The following CDH18 variants were observed in gnomAD, a reference collection of about 807,000 sequenced individuals.
CDH18 encodes cadherin 18.
CDH18 carries 31 observed loss-of-function variants against 67.9 expected under a neutral mutation model. The ratio of observed to expected loss-of-function variants is 0.46; its 90% CI spans 0.34 to 0.62. The LOEUF is 0.62. Ranked by LOEUF, CDH18 falls within the 20% of genes least tolerant of loss-of-function variation. The pLI is 0.01. For synonymous variants in CDH18, 362 were observed against 347.2 expected (o/e 1.04, Z -0.48); for missense variants, 890 against 975.5 (o/e 0.91, Z 1.17).
At chr5:20,461,846 C>A (rs1751285836) in intron 1 of CDH18, among the ~76,000 whole-genome samples, 2 of 152,218 alleles carry the variant, frequency 1.3e-5, no homozygotes, top group South Asian at 4.1e-4. Flanking sequence ...TCAATTAACA[C>A]TAGCTTTTAG....
chr5:19,882,665 T>C (rs191503330), intron 2 of CDH18, among the ~76,000 whole-genome samples: 12 of 152,232 alleles, frequency 7.9e-5, no homozygotes, highest in Admixed American at 6.5e-4. Context: ...ATGGCATCAA[T>C]ATGTGCTAAT....
At position 19,936,059 on chromosome 5, in the gene CDH18, C is replaced by T. The variant is rs367553274; in HGVS notation, c.-257+45001G>A. On this transcript the variant is annotated intron_variant, in intron 2 of 12. Transcript: ENST00000382275. ...GTTTAAAAAATCCATATATAATTAG[C>T]GTGATACAACACAGCATCTTAACAC... is the stretch of plus-strand genomic sequence containing the variant. Among the ~76,000 whole-genome samples, 97 of 151,214 alleles carry T rather than the reference C, an allele frequency of 6.4e-4. No homozygotes were observed. In the South Asian group the frequency reaches 0.017, roughly 27 times the overall value.
chr5:19,757,979 C>T lies in CDH18; in HGVS notation c.229-10743G>A, dbSNP rs1232914055. Among the ~76,000 whole-genome samples the T allele has an allele frequency of 7.2e-5, 11 of 152,256 alleles. No individual in the cohort carries two copies. In the East Asian group the frequency reaches 2.1e-3, roughly 29 times the overall value. ...ATATCGTGCAGAACCATCTGTGAAC[C>T]AGGCTCGAGTCTTCTCTTCCTCTGT... is the stretch of plus-strand genomic sequence containing the variant. On this transcript the variant is annotated intron_variant, in intron 3 of 12. Coordinates refer to ENST00000382275, the MANE Select transcript of CDH18 (RefSeq NM_004934.5).
At chr5:20,120,918 A>C (rs2126413389) in intron 2 of CDH18, among the ~76,000 whole-genome samples, 1 of 152,246 alleles carries the variant, frequency 6.6e-6, no homozygotes, top group South Asian at 2.1e-4. Flanking sequence ...CTTATAGCAA[A>C]TTTAGATTTT....
chr5:19,830,796 T>C (rs1238998616), intron 3 of CDH18, among the ~76,000 whole-genome samples: 3 of 152,012 alleles, frequency 2.0e-5, no homozygotes, highest in Non-Finnish European at 4.4e-5. Flanking sequence ...AAATGCCCAT[T>C]AAGAGTATCC....
At chr5:20,046,786 C>A (rs982660122) in intron 2 of CDH18, among the ~76,000 whole-genome samples, 3 of 151,400 alleles carry the variant, frequency 2.0e-5, no homozygotes, top group African/African-American at 4.8e-5. Flanking sequence ...GATTTCACAG[C>A]GCTTTTCGAG....
intron 1 of CDH18, among the ~76,000 whole-genome samples, chr5:20,273,502 T>C (rs1461588345): frequency 6.6e-6 from 1 of 152,106 alleles, no homozygotes; most frequent in Admixed American, 6.6e-5. Flanking sequence ...TGCCTTAGTA[T>C]TACTGCTGTC....
chr5:19,910,006 C>T (rs1790950787), intron 2 of CDH18, among the ~76,000 whole-genome samples: 1 of 152,014 alleles, frequency 6.6e-6, no homozygotes, highest in African/African-American at 2.4e-5. Flanking sequence ...TCATTCTTGC[C>T]GTAATAAACA....
At chr5:19,507,362 C>T (rs1394979832) in intron 10 of CDH18, among the ~76,000 whole-genome samples, 1 of 152,130 alleles carries the variant, frequency 6.6e-6, no homozygotes, top group Non-Finnish European at 1.5e-5. Context: ...CCTCAGGGAT[C>T]CAGAACTAGA....
rs147768995 is a variant in CDH18, at chr5:20,043,256, G to T, written c.-517-51242C>A. Among the ~76,000 whole-genome samples, 27 of 152,148 alleles carry T rather than the reference G, an allele frequency of 1.8e-4. No individual in the cohort carries two copies. The East Asian group carries it at 2.5e-3, about 14-fold the overall frequency. On this transcript the variant is annotated intron_variant, in intron 2 of 14. Coordinates refer to the CDH18 transcript ENST00000507958. ...TGGAAACCATTGATTTAAAGCCACC[G>T]CAGACTGCATCCACCCTTCCTCATG...
At chr5:19,662,469 T>C (rs1484146520) in intron 5 of CDH18, among the ~76,000 whole-genome samples, 2 of 152,078 alleles carry the variant, frequency 1.3e-5, no homozygotes, top group African/African-American at 4.8e-5. Context: ...TATGCTTCAA[T>C]ACCATAGATA....
chr5:19,554,076 A>C (rs1284370003), intron 8 of CDH18, among the ~76,000 whole-genome samples: 1 of 152,152 alleles, frequency 6.6e-6, no homozygotes, highest in East Asian at 1.9e-4. Flanking sequence ...CTTTCTAAAA[A>C]AAAGAAGGTA....
At chr5:20,490,012 T>A (rs913366452) in intron 1 of CDH18, among the ~76,000 whole-genome samples, 1 of 151,192 alleles carries the variant, frequency 6.6e-6, no homozygotes, top group Non-Finnish European at 1.5e-5. Context: ...TCTGATAGGG[T>A]TTTAAATAAT....
intron 2 of CDH18, among the ~76,000 whole-genome samples, chr5:20,228,311 T>A (rs1455520181): frequency 2.6e-5 from 4 of 152,076 alleles, no homozygotes; most frequent in African/African-American, 9.7e-5. Context: ...GGTTTAATAG[T>A]TTCATTTGCC....
In CDH18 at chr5:20,113,925, G is replaced by A. The variant is rs1040301425; in HGVS notation, c.-517-121911C>T. Among the ~76,000 whole-genome samples, 15 of 152,144 alleles carry A rather than the reference G, an allele frequency of 9.9e-5. No homozygotes were observed. In the East Asian group the frequency reaches 2.9e-3, roughly 29 times the overall value. ...ATAAAGACCATTTTCTGAAAATTTT[G>A]CTATGTGTTTTGTGATTCCTTCATT... On this transcript the variant is annotated intron_variant, in intron 2 of 14. Transcript: ENST00000507958.
At position 19,746,925 on chromosome 5, in the gene CDH18, A is replaced by G. The variant is rs745462292; in HGVS notation, c.523+17T>C. ...TTAATATGTTAATTGCATAATCACA[A>G]AAATGATTTTTCTTACCCATATCTG... On this transcript the variant is annotated intron_variant, in intron 4 of 12. Transcript: ENST00000382275. 1 of 1,603,982 alleles carries G rather than the reference A, an allele frequency of 6.2e-7. No individual in the cohort carries two copies. The highest frequency in any genetic ancestry group is 8.5e-7 in the Non-Finnish European group (1 of 1,172,904).
At chr5:20,569,159 C>A (rs1758671910) in intron 1 of CDH18, among the ~76,000 whole-genome samples, 1 of 152,122 alleles carries the variant, frequency 6.6e-6, no homozygotes, top group East Asian at 1.9e-4. Context: ...TACATACCCA[C>A]CTTCATATAA....
At chr5:20,281,112 T>C (rs905333788) in intron 1 of CDH18, among the ~76,000 whole-genome samples, 4 of 152,188 alleles carry the variant, frequency 2.6e-5, no homozygotes, top group African/African-American at 9.7e-5. Context: ...TATTAGCCCT[T>C]TGTCAGATGA....
intron 2 of CDH18, among the ~76,000 whole-genome samples, chr5:19,943,845 A>G (rs1297273642): frequency 6.6e-6 from 1 of 152,150 alleles, no homozygotes; most frequent in Non-Finnish European, 1.5e-5. Flanking sequence ...GGGAGATCTT[A>G]TTATTTGATA....
Sources: gnomAD v4.1 joint callset for allele counts (sites outside exome capture counted in the v4.1 genomes callset) on GRCh38, gnomAD v4.1.1 for gene constraint, MANE v1.5 for transcripts, NCBI Gene and HGNC (gene_info 2026-07-23, HGNC 2026-07-21) for gene names.